Variants in KAT7 observed in about 807,000 individuals in gnomAD.
The protein encoded by KAT7 is lysine acetyltransferase 7.
A neutral mutation model predicts 82.1 loss-of-function variants in KAT7; 10 were observed. The observed-to-expected ratio is 0.12, with a 90% CI of 0.08 to 0.21. KAT7 has a LOEUF of 0.21. Among genes scored for constraint, KAT7 ranks in the 10% least tolerant of loss-of-function variants. The pLI is 1.00. For missense variants in KAT7, 378 were observed against 760.9 expected (o/e 0.50, Z 5.92); for synonymous variants, 250 against 262.5 (o/e 0.95, Z 0.46).
Position 49,788,744 on chromosome 17 carries a change from T to TACAGAGGCCGCC in KAT7, c.-88_-77dup, listed in dbSNP as rs2073840277. 2.8e-6 allele frequency: 4 copies of TACAGAGGCCGCC among 1,430,458 alleles called. No homozygotes were observed. In the South Asian group the frequency reaches 5.0e-5, roughly 18 times the overall value. The allele number at this position is 1,430,458 out of a possible 1,614,324, so 88.6% of individuals were successfully genotyped here. ...GGATCGTCCGCAGGATTGGGACTGATACAGAGGCCGCCACGGAGCCCGCCG... is the reference window on the plus strand; with the variant it reads ...GGATCGTCCGCAGGATTGGGACTGATACAGAGGCCGCCACAGAGGCCGCCACGGAGCCCGCCG... On this transcript the variant is annotated 5_prime_UTR_variant, in exon 1 of 15. Coordinates refer to ENST00000259021, the MANE Select transcript of KAT7 (RefSeq NM_007067.5).
intron 5 of KAT7, among the ~76,000 whole-genome samples, chr17:49,808,178 T>C (rs2074115906): frequency 6.8e-6 from 1 of 147,092 alleles, no homozygotes; most frequent in Non-Finnish European, 1.5e-5. Context: ...CTGGAGTGCA[T>C]TGGTGCAATC....
At position 49,815,920 on chromosome 17, in the gene KAT7, AT is replaced by A. The variant is rs2074227844; in HGVS notation, c.963+9del. ...CCGGGCTTCAGAGGATTTGGTGAGT[AT>A]TAAAACCTCCAAACTGAAGGCCGCT... On this transcript the variant is annotated splice_region_variant and intron_variant, in intron 8 of 14. Coordinates refer to ENST00000259021, the MANE Select transcript of KAT7 (RefSeq NM_007067.5). The A allele has an allele frequency of 6.4e-6, 10 of 1,572,408 alleles. No individual in the cohort carries two copies. The highest frequency in any genetic ancestry group is 8.8e-6 in the Non-Finnish European group (10 of 1,142,338).
intron 11 of KAT7, among the ~76,000 whole-genome samples, chr17:49,822,323 G>A (rs1197215325): frequency 6.6e-6 from 1 of 151,800 alleles, no homozygotes; most frequent in Non-Finnish European, 1.5e-5. Flanking sequence ...TGCCTCCCAG[G>A]TTCAAGTGAC....
At chr17:49,815,575 T>C in intron 7 of KAT7, 1 of 402,674 alleles carries the variant, frequency 2.5e-6, no homozygotes, top group Non-Finnish European at 4.4e-6. Flanking sequence ...AGCTCCCTTC[T>C]GGAGCTGTGG....
rs2074080359 is a variant in KAT7, at chr17:49,805,536, C to T, written c.663+91C>T. On this transcript the variant is annotated intron_variant, in intron 5 of 14. Transcript: ENST00000259021. ...TGAACACTGGGGATACAGTGGCCAA[C>T]AAGATGGGTAGGGTCCTTGTTCTTA... The T allele has an allele frequency of 6.2e-6, 5 of 800,240 alleles. No homozygotes were observed. In the African/African-American group the frequency reaches 6.9e-5, roughly 11 times the overall value. 49.6% of individuals were successfully genotyped at this position (800,240 alleles called of 1,614,324 possible). A position where few individuals can be genotyped will look rare whatever the true frequency, so the allele number is the denominator to read the frequency against.
intron 4 of KAT7, among the ~76,000 whole-genome samples, chr17:49,803,034 C>A (rs1248354560): frequency 6.7e-6 from 1 of 149,502 alleles, no homozygotes; most frequent in Admixed American, 6.6e-5. Flanking sequence ...CCAGCTGATG[C>A]TACATTGTAT....
At position 49,819,649 on chromosome 17, in the gene KAT7, T is replaced by C. The variant is rs537600240; in HGVS notation, c.1155+1638T>C. ...TGAAAATCTTCCATATTATATGATATAAAAATCAGATTTCAGGAAATACCT... is the reference window on the plus strand; with the variant it reads ...TGAAAATCTTCCATATTATATGATACAAAAATCAGATTTCAGGAAATACCT... On this transcript the variant is annotated intron_variant, in intron 9 of 14. Transcript: ENST00000259021. Among the ~76,000 whole-genome samples, 4 of 152,330 alleles carry C rather than the reference T, an allele frequency of 2.6e-5. No homozygotes were observed. The South Asian group carries it at 8.3e-4, about 32-fold the overall frequency.
chr17:49,831,849 T>C lies in KAT7; in HGVS notation c.*4347T>C, dbSNP rs1470252752. The C allele has an allele frequency of 6.6e-6, 1 of 151,506 alleles. No homozygotes were observed. The highest frequency in any genetic ancestry group is 2.4e-5 in the African/African-American group (1 of 41,076). 9.4% of individuals were successfully genotyped at this position (151,506 alleles called of 1,614,324 possible). Reference sequence around the variant, plus strand: ...CTAATTTTTTGTATTTTTAGTAGAATGAGGTTTCACCGTGTTAGCCAGGAT... The same window carrying C: ...CTAATTTTTTGTATTTTTAGTAGAACGAGGTTTCACCGTGTTAGCCAGGAT... On this transcript the variant is annotated 3_prime_UTR_variant, in exon 15 of 15. Coordinates refer to ENST00000259021, the MANE Select transcript of KAT7 (RefSeq NM_007067.5).
chr17:49,804,207 A>G (rs963889396), intron 4 of KAT7, among the ~76,000 whole-genome samples: 2 of 151,746 alleles, frequency 1.3e-5, no homozygotes, highest in Non-Finnish European at 2.9e-5. Flanking sequence ...GTGAAACCCC[A>G]TCTCTACTAA....
chr17:49,823,364 C>CCTGTGGT, intron 12 of KAT7, 69 bp downstream of exon 12: 1 of 859,468 alleles, frequency 1.2e-6, no homozygotes, highest in South Asian at 1.4e-5. Context: ...GTCTTTTTGT[C>CCTGTGGT]CTGTGGTCTC....
chr17:49,811,434 T>TTTA (rs1249918123), intron 6 of KAT7, 42 bp from the exon 7 acceptor site: 1 of 1,034,776 alleles, frequency 9.7e-7, no homozygotes, highest in Non-Finnish European at 1.4e-6. Flanking sequence ...AAGCTTAGCT[T>TTTA]TATAAGGAGT....
rs547540784 is a variant in KAT7 at position 49,802,988 on chromosome 17, C to T, written c.581-2375C>T. 2.6e-5 allele frequency among the ~76,000 whole-genome samples: 4 copies of T among 152,244 alleles called. No homozygotes were observed. The South Asian group carries it at 8.3e-4, about 32-fold the overall frequency. On this transcript the variant is annotated intron_variant, in intron 4 of 14. Transcript: ENST00000259021. ...CACATAGTCCTCCTGTGTTGGCCTC[C>T]CAAAGTGCTGGGATTACAGGTGTGA...
chr17:49,808,410 G>T (rs2074118786), intron 5 of KAT7, among the ~76,000 whole-genome samples: 1 of 149,296 alleles, frequency 6.7e-6, no homozygotes, highest in Non-Finnish European at 1.5e-5. Context: ...ATAAGGCACT[G>T]CATGTGGCCA....
intron 1 of KAT7, chr17:49,789,683 C>T (rs2073860157): frequency 6.6e-6 from 1 of 152,156 alleles, no homozygotes; most frequent in African/African-American, 2.4e-5. Context: ...TGACTACTTT[C>T]TGCGCGGTGG....
At position 49,821,632 on chromosome 17, in the gene KAT7, C is replaced by G. The variant is rs1026134455; in HGVS notation, c.1246-18C>G. On this transcript the variant is annotated intron_variant, in intron 10 of 14. Coordinates refer to ENST00000259021, the MANE Select transcript of KAT7 (RefSeq NM_007067.5). ...GGAATCAGTGGCCCACACATGAACTCTGTTTCTCTGCTTCCAGATCTACTG... is the reference window on the plus strand; with the variant it reads ...GGAATCAGTGGCCCACACATGAACTGTGTTTCTCTGCTTCCAGATCTACTG... The G allele has an allele frequency of 2.0e-5, 33 of 1,612,390 alleles. No homozygotes were observed. Among genetic ancestry groups the G allele is most frequent in the Non-Finnish European group, 2.7e-5 (32 of 1,179,948 alleles).
intron 7 of KAT7, among the ~76,000 whole-genome samples, chr17:49,814,209 C>T (rs544927758): frequency 6.6e-6 from 1 of 152,302 alleles, no homozygotes; most frequent in South Asian, 2.1e-4. Context: ...ACTTTTTTGA[C>T]AGTCATCACT....
At chr17:49,807,370 A>G (rs2074104422) in intron 5 of KAT7, among the ~76,000 whole-genome samples, 1 of 152,196 alleles carries the variant, frequency 6.6e-6, no homozygotes, top group African/African-American at 2.4e-5. Context: ...ATGGCAAAGA[A>G]GCAGTTGTGT....
rs1441935328 is a variant in KAT7, at chr17:49,829,168, A to G, written c.*1666A>G. ...ACGATCTGCTACTAATAGTAAATGC[A>G]CTTGGGATTTGCTTTCCCTAGCAGT... On this transcript the variant is annotated 3_prime_UTR_variant, in exon 15 of 15. Transcript: ENST00000259021. 1 of 152,316 alleles carries G rather than the reference A, an allele frequency of 6.6e-6. No homozygotes were observed. The highest frequency in any genetic ancestry group is 1.5e-5 in the Non-Finnish European group (1 of 68,024). The allele number at this position is 152,316 out of a possible 1,614,324, so 9.4% of individuals were successfully genotyped here. A position where few individuals can be genotyped will look rare whatever the true frequency, so the allele number is the denominator to read the frequency against.
Position 49,826,556 on chromosome 17 carries a change from T to G in KAT7, c.1628-137T>G, listed in dbSNP as rs914354003. ...CTGGTCAAATGAATACTTTGTAAAC[T>G]CCTTCTAAACAGATTGGGTTGAGTA... On this transcript the variant is annotated intron_variant, in intron 13 of 14. Transcript: ENST00000259021. The G allele has an allele frequency of 4.6e-6, 3 of 650,722 alleles. No individual in the cohort carries two copies. The African/African-American group carries it at 5.4e-5, about 12-fold the overall frequency. The allele number at this position is 650,722 out of a possible 1,614,324, so 40.3% of individuals were successfully genotyped here.
Sources: allele counts gnomAD v4.1 joint callset (sites outside exome capture counted in the v4.1 genomes callset), GRCh38; gene constraint gnomAD v4.1.1; transcripts MANE v1.5; gene names NCBI Gene and HGNC (gene_info 2026-07-23, HGNC 2026-07-21).